AOPEP: variants seen among roughly 807,000 people sequenced by gnomAD.
AOPEP encodes aminopeptidase O.
AOPEP carries 77 observed loss-of-function variants against 98.1 expected under a neutral mutation model. The ratio of observed to expected loss-of-function variants is 0.78; its 90% CI spans 0.65 to 0.95. The LOEUF (loss-of-function observed/expected upper bound fraction) is 0.95. Ranked by LOEUF, AOPEP falls within the 40% of genes least tolerant of loss-of-function variation. The pLI, the probability that AOPEP is intolerant of heterozygous loss-of-function variation, is 0.00. For synonymous variants in AOPEP, 346 were observed against 365.3 expected (o/e 0.95, Z 0.60); for missense variants, 1,024 against 1,024.7 (o/e 1.00, Z 0.01).
chr9:94,792,723 C>G (rs1265222724), intron 3 of AOPEP, 42 bp from the exon 4 acceptor site: 2 of 1,519,370 alleles, frequency 1.3e-6, no homozygotes, highest in African/African-American at 1.4e-5. Context: ...AGCCCAGGAT[C>G]ATATATTGGC....
At chr9:95,032,916 A>G (rs534477471) in intron 13 of AOPEP, among the ~76,000 whole-genome samples, 179 of 152,308 alleles carry the variant, frequency 1.2e-3, no homozygotes, top group African/African-American at 4.0e-3. Flanking sequence ...GGTGTGTATA[A>G]TGGGGATAAG....
rs545296062 is a variant in AOPEP, at chr9:94,750,915, T to C, written c.-135-8734T>C. On this transcript the variant is annotated intron_variant, in intron 1 of 16. Transcript: ENST00000375315. ...GGCGCCTGCCACCACGCCCGGCTAA[T>C]TTTTTGTATTTTTAGTAGAGATGAG... is the stretch of plus-strand genomic sequence containing the variant. Among the ~76,000 whole-genome samples, 4 of 151,722 alleles carry C rather than the reference T, an allele frequency of 2.6e-5. No individual in the cohort carries two copies. The East Asian group carries it at 5.9e-4, about 22-fold the overall frequency.
chr9:94,975,774 G>A (rs987735982), intron 10 of AOPEP, among the ~76,000 whole-genome samples: 3 of 152,142 alleles, frequency 2.0e-5, no homozygotes, highest in African/African-American at 7.2e-5. Flanking sequence ...TCTCTGCCGT[G>A]TCCCTCTGCA....
chr9:95,110,569 T>C, the AOPEP span: 5 of 1,033,862 alleles, frequency 4.8e-6, no homozygotes, highest in Non-Finnish European at 5.8e-6. Context: ...AAATTTCAAC[T>C]TTTTAAAATC....
rs1333620389 is a variant in AOPEP at position 95,086,779 on chromosome 9, T to C, written c.*102T>C. The C allele has an allele frequency of 1.0e-6, 1 of 987,934 alleles. No individual in the cohort carries two copies. The highest frequency in any genetic ancestry group is 1.2e-6 in the Non-Finnish European group (1 of 830,152). 61.2% of individuals were successfully genotyped at this position (987,934 alleles called of 1,614,324 possible). A position where few individuals can be genotyped will look rare whatever the true frequency, so the allele number is the denominator to read the frequency against. ...ATCAAAGGAGGGATTATGTGGCTGC[T>C]AAAGCCATCGGCCCACAGCCCTGTT... On this transcript the variant is annotated 3_prime_UTR_variant, in exon 17 of 17. Transcript: ENST00000375315.
At chr9:94,935,275 C>G (rs1354314958) in intron 7 of AOPEP, 1 of 152,284 alleles carries the variant, frequency 6.6e-6, no homozygotes, top group Non-Finnish European at 1.5e-5. Context: ...TTTCCTGAGG[C>G]CTCCGAGCAG....
the AOPEP span, among the ~76,000 whole-genome samples, chr9:95,122,072 A>G: frequency 1.3e-5 from 2 of 151,822 alleles, no homozygotes; most frequent in Non-Finnish European, 2.9e-5. Context: ...GTTAGCCAGG[A>G]TGGTCTCGAT....
At chr9:95,092,593 G>A in the AOPEP span, among the ~76,000 whole-genome samples, 1 of 152,220 alleles carries the variant, frequency 6.6e-6, no homozygotes, top group Admixed American at 6.5e-5. Flanking sequence ...CCTTCTGCCT[G>A]TAATTTCTTT....
the AOPEP span, among the ~76,000 whole-genome samples, chr9:95,120,604 T>C: frequency 6.6e-6 from 1 of 151,712 alleles, no homozygotes; most frequent in Admixed American, 6.6e-5. Context: ...TACTTTTTTG[T>C]AGAGACTGGG....
At chr9:94,869,752 G>C (rs890992992) in intron 5 of AOPEP, among the ~76,000 whole-genome samples, 8 of 152,182 alleles carry the variant, frequency 5.3e-5, no homozygotes, top group Admixed American at 3.3e-4. Flanking sequence ...AATGTCATCT[G>C]AGTACAGCGT....
At chr9:95,030,605 TTTACC>T (rs2064212307) in intron 13 of AOPEP, among the ~76,000 whole-genome samples, 2 of 152,226 alleles carry the variant, frequency 1.3e-5, no homozygotes, top group Non-Finnish European at 2.9e-5. Flanking sequence ...GCATTCGTCC[TTTACC>T]TTTGCCTTTC....
chr9:94,939,988 G>A (rs764795521), intron 7 of AOPEP, among the ~76,000 whole-genome samples: 4 of 152,186 alleles, frequency 2.6e-5, no homozygotes, highest in Non-Finnish European at 4.4e-5. Context: ...TTTGTATTTT[G>A]ACTTGGGTCC....
the AOPEP span, chr9:95,106,962 T>C: frequency 8.8e-7 from 1 of 1,130,918 alleles, no homozygotes; most frequent in Non-Finnish European, 1.3e-6. Flanking sequence ...CTGGGCAGCA[T>C]CCTGGTACAC....
intron 13 of AOPEP, among the ~76,000 whole-genome samples, chr9:95,030,303 C>T (rs2064186915): frequency 1.3e-5 from 2 of 152,280 alleles, no homozygotes; most frequent in African/African-American, 2.4e-5. Flanking sequence ...GACTTTGTGA[C>T]TTCAAAGGTG....
chr9:95,072,785 C>T (rs200175191), intron 14 of AOPEP, among the ~76,000 whole-genome samples: 2 of 152,332 alleles, frequency 1.3e-5, no homozygotes, highest in East Asian at 3.9e-4. Flanking sequence ...TAGACATGCC[C>T]GTTGTCACGG....
At chr9:94,736,197 G>A (rs1831728328) in intron 1 of AOPEP, among the ~76,000 whole-genome samples, 1 of 152,110 alleles carries the variant, frequency 6.6e-6, no homozygotes, top group South Asian at 2.1e-4. Flanking sequence ...ATAGGAAGTG[G>A]GGACTGGATT....
intron 5 of AOPEP, among the ~76,000 whole-genome samples, chr9:94,826,839 C>T (rs1193938740): frequency 3.9e-5 from 6 of 152,056 alleles, no homozygotes; most frequent in Admixed American, 3.9e-4. Flanking sequence ...GGGGAGGTGA[C>T]AGTGGTGATG....
the AOPEP span, among the ~76,000 whole-genome samples, chr9:95,102,785 C>A: frequency 1.6e-4 from 25 of 152,182 alleles, no homozygotes; most frequent in Non-Finnish European, 2.6e-4. Flanking sequence ...AGCCTCTTGT[C>A]GCATGCGCAC....
chr9:94,773,096 G>A lies in AOPEP; in HGVS notation c.892G>A (p.Val298Ile), dbSNP rs142759725. 8.2e-5 allele frequency: 133 copies of A among 1,614,164 alleles called. No individual in the cohort carries two copies. Among genetic ancestry groups the A allele is most frequent in the Admixed American group, 4.8e-4 (29 of 60,024 alleles). ...TGCCATGTCAACATGGCAGGCTACA[G>A]TTCGAGCAGCTGCATCTTTTGTTGT... ...PVAMSTWQAT[V>I]RAAASFVVLM... Residue 298 changes from valine to isoleucine, a missense_variant, in exon 3 of 17, where the codon GTT (valine) becomes ATT (isoleucine). By Grantham distance (29) the Val-to-Ile change is conservative. Transcript: ENST00000375315.
Sources: gnomAD v4.1 joint callset for allele counts (sites outside exome capture counted in the v4.1 genomes callset) on GRCh38, gnomAD v4.1.1 for gene constraint, MANE v1.5 for transcripts, NCBI Gene and HGNC (gene_info 2026-07-23, HGNC 2026-07-21) for gene names.